The following TOX3 variants were observed in gnomAD, a reference collection of about 807,000 sequenced individuals.
TOX3 encodes the protein TOX high mobility group box family member 3.
In TOX3, 22 loss-of-function variants were observed where a neutral mutation model predicts 64.3. The observed-to-expected ratio is 0.34, with a 90% CI of 0.24 to 0.49. The LOEUF is 0.49. TOX3 is among the 20% of genes least tolerant of loss of function. TOX3 has a pLI of 0.99. For synonymous variants in TOX3, 291 were observed against 273.6 expected, an observed-to-expected ratio of 1.06 and a Z score of -0.63; for missense variants, 661 against 714.4, an observed-to-expected ratio of 0.93 and a Z score of 0.85.
At position 52,439,712 on chromosome 16, in the gene TOX3, A is replaced by T. The variant is rs1274279562; in HGVS notation, c.1244T>A (p.Leu415Gln). 17 of 1,614,014 alleles carry T rather than the reference A, an allele frequency of 1.1e-5. No homozygotes were observed. Among genetic ancestry groups the T allele is most frequent in the Non-Finnish European group, 1.4e-5 (17 of 1,179,898 alleles). ...ANMPSNIGAP[L>Q]ISSMGTTMVG... The stretch of plus-strand genomic sequence containing the variant: ...CATGGTCGTTCCCATGGAGCTTATC[A>T]GTGGAGCCCCAATGTTCGAGGGCAT... Residue 415 changes from leucine (L) to glutamine (Q), a missense_variant, in exon 7 of 7, where the codon CTG (leucine) becomes CAG (glutamine). Transcript: ENST00000219746.
rs147679636 is a variant in TOX3, at chr16:52,492,226, T to C, written c.88-23652A>G. Reference sequence around the variant, plus strand: ...AACTAATATATATATTTATATTATATATTATATATATTTATATTATATATT... The same window carrying C: ...AACTAATATATATATTTATATTATACATTATATATATTTATATTATATATT... On this transcript the variant is annotated intron_variant, in intron 1 of 6. Transcript: ENST00000219746. 7.2e-3 allele frequency among the ~76,000 whole-genome samples: 1,057 copies of C among 147,184 alleles called. 14 individuals are homozygous for C. The highest frequency in any genetic ancestry group is 0.024 in the African/African-American group (984 of 40,652).
At position 52,472,957 on chromosome 16, in the gene TOX3, C is replaced by T. The variant is rs114611482; in HGVS notation, c.88-4383G>A. On this transcript the variant is annotated intron_variant, in intron 1 of 6. Transcript: ENST00000219746. ...ATCTTAATAATTTCAAAAAGAACAT[C>T]CTCATTGTACTTGGAGGTAGATTTG... Among the ~76,000 whole-genome samples the T allele has an allele frequency of 4.0e-3, 604 of 152,264 alleles. 5 individuals carry two copies. The highest frequency in any genetic ancestry group is 0.014 in the African/African-American group (576 of 41,548).
At chr16:52,489,391 G>T (rs145323581) in intron 1 of TOX3, among the ~76,000 whole-genome samples, 1 of 151,954 alleles carries the variant, frequency 6.6e-6, no homozygotes, top group Non-Finnish European at 1.5e-5. Context: ...TATTTAATGC[G>T]CTGTGATCAT....
chr16:52,479,668 G>A (rs1371274952), intron 1 of TOX3, among the ~76,000 whole-genome samples: 2 of 152,114 alleles, frequency 1.3e-5, no homozygotes, highest in Non-Finnish European at 2.9e-5. Context: ...TGGAAAAGGT[G>A]GTTACTTTCT....
intron 1 of TOX3, among the ~76,000 whole-genome samples, chr16:52,518,856 G>T (rs942406360): frequency 1.3e-5 from 2 of 152,172 alleles, no homozygotes; most frequent in African/African-American, 4.8e-5. Flanking sequence ...TCTGTAGCTG[G>T]ATATGTTTCT....
intron 1 of TOX3, among the ~76,000 whole-genome samples, chr16:52,540,427 CCTCGAATGCA>C (rs915015914): frequency 1.3e-4 from 20 of 152,036 alleles, no homozygotes; most frequent in African/African-American, 3.6e-4. Context: ...TATATATATT[CCTCGAATGCA>C]CTCAGTTGCA....
chr16:52,459,326 T>C (rs558783297), intron 3 of TOX3, among the ~76,000 whole-genome samples: 1 of 151,684 alleles, frequency 6.6e-6, no homozygotes. Context: ...TATGTAAAAT[T>C]AAAAAAAATA....
At chr16:52,444,441 A>G (rs553092424) in intron 5 of TOX3, 85 bp from the exon 6 acceptor site, 1 of 1,170,024 alleles carries the variant, frequency 8.5e-7, no homozygotes, top group South Asian at 1.6e-5. Context: ...GGTCACATAA[A>G]CACAACTCAC....
chr16:52,455,831 T>C (rs1412488716), intron 3 of TOX3, among the ~76,000 whole-genome samples: 1 of 152,006 alleles, frequency 6.6e-6, no homozygotes, highest in Non-Finnish European at 1.5e-5. Context: ...GGGTGCAGGG[T>C]AGGCAAGGTA....
chr16:52,449,441 C>T (rs1472316878), intron 4 of TOX3, among the ~76,000 whole-genome samples: 1 of 152,174 alleles, frequency 6.6e-6, no homozygotes, highest in Non-Finnish European at 1.5e-5. Flanking sequence ...TCAAATATCA[C>T]TTTCTCAGTA....
chr16:52,488,825 C>A (rs946029264), intron 1 of TOX3, among the ~76,000 whole-genome samples: 6 of 152,124 alleles, frequency 3.9e-5, no homozygotes, highest in Non-Finnish European at 8.8e-5. Flanking sequence ...ACATAAGCAT[C>A]AAAAATGTCT....
At chr16:52,510,692 G>A (rs1367365426) in intron 1 of TOX3, among the ~76,000 whole-genome samples, 1 of 147,254 alleles carries the variant, frequency 6.8e-6, no homozygotes, top group Non-Finnish European at 1.5e-5. Context: ...GGAGGTGGAG[G>A]TTGCAGTGAG....
chr16:52,493,832 C>T (rs1961766617), intron 1 of TOX3, among the ~76,000 whole-genome samples: 1 of 152,142 alleles, frequency 6.6e-6, no homozygotes, highest in Admixed American at 6.6e-5. Context: ...CACATAATTA[C>T]CCAGACAGTT....
chr16:52,488,230 C>T (rs978594095), intron 1 of TOX3, among the ~76,000 whole-genome samples: 1 of 152,158 alleles, frequency 6.6e-6, no homozygotes, highest in Non-Finnish European at 1.5e-5. Context: ...AGCCAGTGGC[C>T]CCCTGCTGAA....
intron 1 of TOX3, among the ~76,000 whole-genome samples, chr16:52,542,052 T>C (rs1466214321): frequency 6.6e-6 from 1 of 152,240 alleles, no homozygotes; most frequent in Non-Finnish European, 1.5e-5. Flanking sequence ...TATGGTATCA[T>C]ATCACATTAG....
chr16:52,481,243 T>C (rs1198087005), intron 1 of TOX3, among the ~76,000 whole-genome samples: 2 of 152,222 alleles, frequency 1.3e-5, no homozygotes, highest in East Asian at 3.8e-4. Flanking sequence ...AAGATTCTCT[T>C]AAATGTGTTT....
At chr16:52,456,711 A>C (rs1960527322) in intron 3 of TOX3, among the ~76,000 whole-genome samples, 2 of 152,264 alleles carry the variant, frequency 1.3e-5, no homozygotes. Context: ...ATGTTATATT[A>C]ATAAGGAAAC....
At chr16:52,449,261 C>T (rs1043698381) in intron 4 of TOX3, among the ~76,000 whole-genome samples, 1 of 152,124 alleles carries the variant, frequency 6.6e-6, no homozygotes, top group African/African-American at 2.4e-5. Flanking sequence ...AGAAAGACCA[C>T]CACATTTAAG....
chr16:52,464,559 G>C (rs1037465232), intron 2 of TOX3, among the ~76,000 whole-genome samples: 2 of 152,138 alleles, frequency 1.3e-5, no homozygotes, highest in South Asian at 2.1e-4. Context: ...ATAAAATGCT[G>C]ATGATTTTGT....
Sources: allele counts gnomAD v4.1 joint callset (sites outside exome capture counted in the v4.1 genomes callset), GRCh38; gene constraint gnomAD v4.1.1; transcripts MANE v1.5; gene names NCBI Gene and HGNC (gene_info 2026-07-23, HGNC 2026-07-21).